Variants in TTYH1 observed in about 807,000 individuals in gnomAD.
TTYH1 encodes the protein protein tweety homolog 1.
Under a neutral mutation model 61.2 loss-of-function variants are expected in TTYH1, and 33 were observed. The ratio of observed to expected loss-of-function variants is 0.54; its 90% CI spans 0.41 to 0.72. The LOEUF is 0.72. TTYH1 is among the 30% of genes least tolerant of loss of function. The pLI, the probability that TTYH1 is intolerant of heterozygous loss-of-function variation, is 0.00. For missense variants in TTYH1, 538 were observed against 575.8 expected, an observed-to-expected ratio of 0.93 and a Z score of 0.67; for synonymous variants, 308 against 266.4, an observed-to-expected ratio of 1.16 and a Z score of -1.52.
In TTYH1 at chr19:54,436,099, G is replaced by T; in HGVS notation, c.1323G>T (p.Lys441Asn). The T allele has an allele frequency of 6.2e-7, 1 of 1,614,066 alleles. No homozygotes were observed. The change falls in exon 13 of 14, where the codon AAG becomes AAT. Residue 441 changes from lysine (K) to asparagine (N), a missense_variant. Physicochemically the swap from Lys to Asn is moderately conservative, Grantham distance 94 (BLOSUM62 0). This residue lies in a region of TTYH1 where 378 missense variants were observed against 401.2 expected (regional missense o/e 0.94). Coordinates refer to ENST00000376530, the MANE Select transcript of TTYH1 (RefSeq NM_020659.4). This position sits in a 1 kb window ranked among gnomAD's most constrained non-coding sequence, Gnocchi z 4.3. ...CCCGAATCTCCTAGCAGGAATCCAA[G>T]CGCTTTGTGCAGTGGCAGTCGTCTA... is the stretch of plus-strand genomic sequence containing the variant. ...DDDPFNPQES[K>N]RFVQWQSSI
rs1335931383 is a variant in TTYH1 at position 54,415,678 on chromosome 19, G to T, written c.126G>T (p.Gln42His). ...VFAPQEQEYQ[Q>H]ALLLVAALAG... ...CGCCCCAAGAGCAGGAATACCAGCAGGTGGGACCGGGCGCCAGGGCCTGGG... is the reference window on the plus strand; with the variant it reads ...CGCCCCAAGAGCAGGAATACCAGCATGTGGGACCGGGCGCCAGGGCCTGGG... The change falls in exon 1 of 14, where the codon CAG becomes CAT. Residue 42 changes from glutamine (Q) to histidine (H), a missense_variant and splice_region_variant. By Grantham distance (24) the Gln-to-His change is conservative. Transcript: ENST00000376530. The surrounding 1 kb of genome is among the most constrained non-coding windows in gnomAD (Gnocchi z 5.2). 6.4e-7 allele frequency: 1 copy of T among 1,551,638 alleles called. No homozygotes were observed. The highest frequency in any genetic ancestry group is 8.6e-7 in the Non-Finnish European group (1 of 1,156,328).
chr19:54,426,656 A>G lies in TTYH1; in HGVS notation c.639-17A>G. On this transcript the variant is annotated splice_polypyrimidine_tract_variant and intron_variant, in intron 4 of 13. Coordinates refer to ENST00000376530, the MANE Select transcript of TTYH1 (RefSeq NM_020659.4). ...GAGGCAGGTTTGTGGTTTCAGCCCTACCCTCTCCCCTCCCAGGTGGCTGGC... is the reference window on the plus strand; with the variant it reads ...GAGGCAGGTTTGTGGTTTCAGCCCTGCCCTCTCCCCTCCCAGGTGGCTGGC... 1.2e-6 allele frequency: 2 copies of G among 1,610,280 alleles called. No homozygotes were observed. Among genetic ancestry groups the G allele is most frequent in the Non-Finnish European group, 1.7e-6 (2 of 1,177,400 alleles).
intron 10 of TTYH1, chr19:54,431,440 G>A (rs1449167531): frequency 6.4e-6 from 3 of 472,114 alleles, no homozygotes; most frequent in Non-Finnish European, 1.1e-5. Flanking sequence ...CGCACTCCCC[G>A]CTGGGTCCCC....
chr19:54,420,280 G>A lies in TTYH1; in HGVS notation c.305+974G>A, dbSNP rs2083182399. ...TGCCCCGGACCCACAGCGGGCAAGG[G>A]GAGGGACCTGTAGGGGTGGCCTGTA... On this transcript the variant is annotated intron_variant, in intron 2 of 13. Transcript: ENST00000376530. The surrounding 1 kb of genome is among the most constrained non-coding windows in gnomAD (Gnocchi z 4.8). Among the ~76,000 whole-genome samples, 1 of 152,202 alleles carries A rather than the reference G, an allele frequency of 6.6e-6. No homozygotes were observed. The highest frequency in any genetic ancestry group is 1.5e-5 in the Non-Finnish European group (1 of 68,034).
Position 54,419,047 on chromosome 19 carries a change from C to T in TTYH1, c.127-81C>T, listed in dbSNP as rs564661484. 6.1e-5 allele frequency: 85 copies of T among 1,396,536 alleles called. No homozygotes were observed. The African/African-American group carries it at 1.0e-3, about 17-fold the overall frequency. The allele number at this position is 1,396,536 out of a possible 1,614,324, so 86.5% of individuals were successfully genotyped here. A position where few individuals can be genotyped will look rare whatever the true frequency, so the allele number is the denominator to read the frequency against. ...TTCACTCTGACATCCCAGACCCCGA[C>T]CCCCCAGCCACGCAGGAAGGGGGAT... On this transcript the variant is annotated intron_variant, in intron 1 of 13. Transcript: ENST00000376530. This position sits in a 1 kb window ranked among gnomAD's most constrained non-coding sequence, Gnocchi z 6.1.
At chr19:54,427,123 CCT>C (rs2083336401) in intron 5 of TTYH1, among the ~76,000 whole-genome samples, 3 of 151,062 alleles carry the variant, frequency 2.0e-5, no homozygotes, top group Admixed American at 2.0e-4. Context: ...ATGGAGAAAC[CCT>C]GTCTCTATTA....
At chr19:54,417,547 C>T (rs373475566) in intron 1 of TTYH1, among the ~76,000 whole-genome samples, 1,785 of 152,116 alleles carry the variant, frequency 0.012, 34 homozygotes, top group African/African-American at 0.038. Context: ...CATATGCACA[C>T]GCACATTGCG....
rs2083182841 is a variant in TTYH1, at chr19:54,420,295, G to A, written c.306-982G>A. Among the ~76,000 whole-genome samples, 1 of 152,192 alleles carries A rather than the reference G, an allele frequency of 6.6e-6. No homozygotes were observed. The highest frequency in any genetic ancestry group is 2.1e-4 in the South Asian group (1 of 4,834). ...GCGGGCAAGGGGAGGGACCTGTAGGGGTGGCCTGTATTCAGGACGCTTCCT... is the reference window on the plus strand; with the variant it reads ...GCGGGCAAGGGGAGGGACCTGTAGGAGTGGCCTGTATTCAGGACGCTTCCT... On this transcript the variant is annotated intron_variant, in intron 2 of 13. Transcript: ENST00000376530. This position sits in a 1 kb window ranked among gnomAD's most constrained non-coding sequence, Gnocchi z 4.8.
At chr19:54,422,164 G>T in intron 3 of TTYH1, 26 bp from the exon 4 acceptor site, 1 of 1,527,290 alleles carries the variant, frequency 6.5e-7, no homozygotes, top group South Asian at 1.2e-5. Flanking sequence ...TGTCCTTCCA[G>T]ACCTCAGCCC....
chr19:54,424,249 G>T (rs1326503537), intron 4 of TTYH1, among the ~76,000 whole-genome samples: 1 of 152,170 alleles, frequency 6.6e-6, no homozygotes, highest in Non-Finnish European at 1.5e-5. Context: ...GCATTTGGAG[G>T]AGAGGAGGCA....
intron 10 of TTYH1, among the ~76,000 whole-genome samples, chr19:54,435,306 G>A (rs2083521131): frequency 6.6e-6 from 1 of 152,124 alleles, no homozygotes. Context: ...CAGCTCAGGA[G>A]AAGCCAAGTC....
intron 7 of TTYH1, among the ~76,000 whole-genome samples, chr19:54,430,297 C>A (rs1380269218): frequency 5.9e-5 from 9 of 152,148 alleles, no homozygotes; most frequent in Non-Finnish European, 1.5e-5. Context: ...AGTTTGGCCC[C>A]CTGGAGAAAA....
At position 54,416,559 on chromosome 19, in the gene TTYH1, T is replaced by A; in HGVS notation, c.126+881T>A. The A allele has an allele frequency of 2.9e-6, 1 of 347,032 alleles. No homozygotes were observed. The highest frequency in any genetic ancestry group is 5.4e-6 in the Non-Finnish European group (1 of 184,506). 21.5% of individuals were successfully genotyped at this position (347,032 alleles called of 1,614,324 possible). A position where few individuals can be genotyped will look rare whatever the true frequency, so the allele number is the denominator to read the frequency against. Reference sequence around the variant, plus strand: ...GCCCCAGGACGGGTCCTGGCCCTGCTGATGGGGCCTGAGCCCCTGGGCTCC... The same window carrying A: ...GCCCCAGGACGGGTCCTGGCCCTGCAGATGGGGCCTGAGCCCCTGGGCTCC... On this transcript the variant is annotated intron_variant, in intron 1 of 13. Coordinates refer to ENST00000376530, the MANE Select transcript of TTYH1 (RefSeq NM_020659.4). The surrounding 1 kb of genome is among the most constrained non-coding windows in gnomAD (Gnocchi z 7.0).
intron 10 of TTYH1, 137 bp from the exon 11 acceptor site, chr19:54,435,405 C>T (rs2083523229): frequency 1.8e-6 from 2 of 1,092,568 alleles, no homozygotes; most frequent in East Asian, 2.4e-5. Context: ...TGCCCTTTGA[C>T]AGGGGAAACT....
intron 10 of TTYH1, chr19:54,435,234 G>A (rs2083518657): frequency 5.7e-6 from 2 of 353,500 alleles, no homozygotes; most frequent in Non-Finnish European, 1.0e-5. Context: ...TAGATGTGGG[G>A]TGCTGACTGG....
rs59820822 is a variant in TTYH1, at chr19:54,420,144, A to G, written c.305+838A>G. Reference sequence around the variant, plus strand: ...AGGGGGCTTCCAATGTGAACACACCAGCTACCAAGAACGAGCTCTGAGCAC... The same window carrying G: ...AGGGGGCTTCCAATGTGAACACACCGGCTACCAAGAACGAGCTCTGAGCAC... On this transcript the variant is annotated intron_variant, in intron 2 of 13. Coordinates refer to ENST00000376530, the MANE Select transcript of TTYH1 (RefSeq NM_020659.4). This position sits in a 1 kb window ranked among gnomAD's most constrained non-coding sequence, Gnocchi z 4.8. Among the ~76,000 whole-genome samples, 14,968 of 152,144 alleles carry G rather than the reference A, an allele frequency of 0.098. 2,146 individuals are homozygous for G. The highest frequency in any genetic ancestry group is 0.32 in the African/African-American group (13,198 of 41,440).
chr19:54,416,660 C>T lies in TTYH1; in HGVS notation c.126+982C>T. 2.0e-6 allele frequency: 2 copies of T among 1,003,574 alleles called. No individual in the cohort carries two copies. Among genetic ancestry groups the T allele is most frequent in the Middle Eastern group, 3.1e-4 (1 of 3,278 alleles). 62.2% of individuals were successfully genotyped at this position (1,003,574 alleles called of 1,614,324 possible). The stretch of plus-strand genomic sequence containing the variant: ...GCGTGGAGGGGGTCCCAGAAAAGCG[C>T]GGAGGGGATGAGTGCTGTGTTCTGA... On this transcript the variant is annotated intron_variant, in intron 1 of 13. Coordinates refer to ENST00000376530, the MANE Select transcript of TTYH1 (RefSeq NM_020659.4). The surrounding 1 kb of genome is among the most constrained non-coding windows in gnomAD (Gnocchi z 7.0).
intron 3 of TTYH1, 61 bp from the exon 4 acceptor site, chr19:54,422,129 C>A (rs1270876794): frequency 1.4e-6 from 2 of 1,416,568 alleles, no homozygotes; most frequent in East Asian, 2.5e-5. Context: ...AAACCCCATG[C>A]CTCGACCGCG....
At chr19:54,418,314 T>G (rs2122855197) in intron 1 of TTYH1, 1 of 152,626 alleles carries the variant, frequency 6.6e-6, no homozygotes, top group East Asian at 1.9e-4. Flanking sequence ...CGCCTCTCTG[T>G]CCTTGTGTGT....
Sources: allele counts gnomAD v4.1 joint callset (sites outside exome capture counted in the v4.1 genomes callset), GRCh38; gene constraint gnomAD v4.1.1; regional missense constraint gnomAD v4.1.1; non-coding constraint Gnocchi (gnomAD v3.1); transcripts MANE v1.5; gene names NCBI Gene and HGNC (gene_info 2026-07-23, HGNC 2026-07-21).